ANGEL1: variants seen among roughly 807,000 people sequenced by gnomAD.
The protein encoded by ANGEL1 is RNA 2',3'-cyclic phosphatase ANGEL1.
ANGEL1 carries 62 observed loss-of-function variants against 76.4 expected under a neutral mutation model. The ratio of observed to expected loss-of-function variants is 0.81; its 90% CI spans 0.66 to 1.00. ANGEL1 has a LOEUF of 1.00. Ranked by LOEUF, ANGEL1 falls within the 50% of genes least tolerant of loss-of-function variation. The pLI is 0.00. For synonymous variants in ANGEL1, 340 were observed against 331.7 expected, an observed-to-expected ratio of 1.03 and a Z score of -0.27; for missense variants, 737 against 836.7, an observed-to-expected ratio of 0.88 and a Z score of 1.47.
intron 5 of ANGEL1, among the ~76,000 whole-genome samples, chr14:76,805,196 T>C (rs1280590692): frequency 2.0e-5 from 3 of 152,152 alleles, no homozygotes; most frequent in Non-Finnish European, 4.4e-5. Context: ...CAGGTCCCAT[T>C]ATATCCCCCA....
chr14:76,801,436 CAT>C (rs921020007), intron 7 of ANGEL1, among the ~76,000 whole-genome samples: 7 of 152,150 alleles, frequency 4.6e-5, no homozygotes, highest in East Asian at 1.9e-4. Flanking sequence ...TACTGAGACA[CAT>C]GTCTTCTCGA....
intron 2 of ANGEL1, 122 bp downstream of exon 2, chr14:76,808,937 T>C: frequency 1.1e-6 from 1 of 941,092 alleles, no homozygotes; most frequent in African/African-American, 1.7e-5. Flanking sequence ...ATGCCAAGAT[T>C]CTTAGAAAAA....
In ANGEL1 at chr14:76,806,446, C is replaced by G. The variant is rs1249610988; in HGVS notation, c.1350G>C (p.Glu450Asp). The change falls in exon 5 of 10, where the codon GAG (glutamate) becomes GAC (aspartate). Residue 450 changes from glutamate to aspartate, a missense_variant. By Grantham distance (45) the Glu-to-Asp change is conservative. Around this residue, in one of 2 missense-constraint regions of ANGEL1, gnomAD observed 296 missense variants for 387.2 expected, o/e 0.76. Coordinates refer to ENST00000251089, the MANE Select transcript of ANGEL1 (RefSeq NM_015305.4). ...SPLYNFIRDGELQYHGMPAWK... is the reference protein window; with the variant it reads ...SPLYNFIRDGDLQYHGMPAWK... ...AGGCTGGCATCCCATGGTACTGGAGCTCTCCATCCCTGATGAAGTTGTAGA... is the reference window on the plus strand; with the variant it reads ...AGGCTGGCATCCCATGGTACTGGAGGTCTCCATCCCTGATGAAGTTGTAGA... 3.7e-6 allele frequency: 6 copies of G among 1,613,798 alleles called. No individual in the cohort carries two copies. The highest frequency in any genetic ancestry group is 5.1e-6 in the Non-Finnish European group (6 of 1,179,848).
At position 76,806,808 on chromosome 14, in the gene ANGEL1, C is replaced by T. The variant is rs927027762; in HGVS notation, c.988G>A (p.Asp330Asn). 2.5e-6 allele frequency: 4 copies of T among 1,613,962 alleles called. No homozygotes were observed. Among genetic ancestry groups the T allele is most frequent in the Non-Finnish European group, 3.4e-6 (4 of 1,180,036 alleles). ...GGCTTGTAGCAGACAGCACAGCCAT[C>T]GGTTTTACACCCAGTCCTCCTCTTG... The part of the protein sequence containing the change: ...FYKRRTGCKT[D>N]GCAVCYKPTR... The change falls in exon 5 of 10, where the codon GAT becomes AAT. Residue 330 changes from aspartate (D) to asparagine (N), a missense_variant. This residue lies in a region of ANGEL1 where 441 missense variants were observed against 449.5 expected (regional missense o/e 0.98). Coordinates refer to ENST00000251089, the MANE Select transcript of ANGEL1 (RefSeq NM_015305.4).
At chr14:76,804,627 TA>T (rs1250742739) in intron 5 of ANGEL1, among the ~76,000 whole-genome samples, 1 of 152,222 alleles carries the variant, frequency 6.6e-6, no homozygotes, top group African/African-American at 2.4e-5. Context: ...TCATCAGAAG[TA>T]AAACAGATCT....
At chr14:76,807,737 G>T (rs1448676078) in intron 3 of ANGEL1, among the ~76,000 whole-genome samples, 185 bp downstream of exon 3, 1 of 152,202 alleles carries the variant, frequency 6.6e-6, no homozygotes, top group East Asian at 1.9e-4. Context: ...GCTGGGAAGT[G>T]CACATCTAGG....
At chr14:76,801,438 T>C (rs1488030512) in intron 7 of ANGEL1, among the ~76,000 whole-genome samples, 4 of 152,172 alleles carry the variant, frequency 2.6e-5, no homozygotes, top group Non-Finnish European at 5.9e-5. Context: ...CTGAGACACA[T>C]GTCTTCTCGA....
At chr14:76,792,582 A>T (rs1233174177) in intron 7 of ANGEL1, among the ~76,000 whole-genome samples, 1 of 152,196 alleles carries the variant, frequency 6.6e-6, no homozygotes, top group Non-Finnish European at 1.5e-5. Flanking sequence ...ATGGTTTAAC[A>T]TCTGAAAAAT....
intron 5 of ANGEL1, among the ~76,000 whole-genome samples, chr14:76,805,227 G>C (rs1894884089): frequency 6.6e-6 from 1 of 152,100 alleles, no homozygotes; most frequent in Admixed American, 6.5e-5. Context: ...GAGGCAAATG[G>C]GGTTCAAAAA....
At chr14:76,804,255 T>C in intron 5 of ANGEL1, 2 of 1,357,174 alleles carry the variant, frequency 1.5e-6, no homozygotes, top group African/African-American at 1.5e-5. Flanking sequence ...GGGCTTTAAG[T>C]TGCAATGGTT....
chr14:76,807,305 T>G (rs1555361664), intron 4 of ANGEL1, 128 bp downstream of exon 4: 4 of 862,462 alleles, frequency 4.6e-6, no homozygotes, highest in Non-Finnish European at 5.4e-6. Context: ...CAGGCACACA[T>G]GGAAGGAGCT....
In ANGEL1 at chr14:76,809,452, G is replaced by C. The variant is rs1052903569; in HGVS notation, c.256C>G (p.Leu86Val). Residue 86 changes from leucine (L) to valine (V), a missense_variant, in exon 2 of 10, where the codon CTA (leucine) becomes GTA (valine). By Grantham distance (32) the Leu-to-Val change is conservative. Coordinates refer to ENST00000251089, the MANE Select transcript of ANGEL1 (RefSeq NM_015305.4). ...ASEGPLIDKG[L>V]AQSSLALLMD... ...AGAAGTGCCAGGCTGCTCTGGGCTA[G>C]TCCTTTATCTATAAGGGGCCCCTCA... The C allele has an allele frequency of 1.2e-6, 2 of 1,614,088 alleles. No individual in the cohort carries two copies. The highest frequency in any genetic ancestry group is 1.3e-5 in the African/African-American group (1 of 74,916).
At chr14:76,804,947 T>C (rs1007283008) in intron 5 of ANGEL1, among the ~76,000 whole-genome samples, 2 of 151,776 alleles carry the variant, frequency 1.3e-5, no homozygotes, top group Non-Finnish European at 2.9e-5. Context: ...GAGGCAGAGG[T>C]TGCAGTGAGC....
intron 7 of ANGEL1, among the ~76,000 whole-genome samples, chr14:76,793,428 AGGAGGAGGAGGAGG>A (rs1158800671): frequency 1.2e-4 from 1 of 8,174 alleles, no homozygotes; most frequent in African/African-American, 5.1e-4. Flanking sequence ...AGGAGAGGGG[AGGAGGAGGAGGAGG>A]GGAGGAGAAG....
Position 76,809,500 on chromosome 14 carries a change from T to C in ANGEL1, c.208A>G (p.Ser70Gly), listed in dbSNP as rs771885657. The C allele has an allele frequency of 1.2e-6, 2 of 1,614,226 alleles. No homozygotes were observed. Among genetic ancestry groups the C allele is most frequent in the Non-Finnish European group, 8.5e-7 (1 of 1,180,042 alleles). ...TCACTTGCAGTTGAGAGCACCTGGC[T>C]CAACCCTTCTTCTCGCCACTGCTGC... ...LLQQWREEGLSQVLSTASEGP... is the reference protein window; with the variant it reads ...LLQQWREEGLGQVLSTASEGP... The change falls in exon 2 of 10, where the codon AGC (serine) becomes GGC (glycine). Residue 70 changes from serine (S) to glycine (G), a missense_variant. Physicochemically the swap from Ser to Gly is moderately conservative, Grantham distance 56. Around this residue, in one of 2 missense-constraint regions of ANGEL1, gnomAD observed 441 missense variants for 449.5 expected, o/e 0.98. Coordinates refer to ENST00000251089, the MANE Select transcript of ANGEL1 (RefSeq NM_015305.4).
chr14:76,810,613 C>T (rs1241307925), intron 1 of ANGEL1, among the ~76,000 whole-genome samples: 1 of 152,114 alleles, frequency 6.6e-6, no homozygotes, highest in East Asian at 1.9e-4. Flanking sequence ...GCCCTTAAGC[C>T]TTTTCTCAAA....
chr14:76,812,181 T>C (rs1340016878), intron 1 of ANGEL1: 1 of 946,078 alleles, frequency 1.1e-6, no homozygotes, highest in Non-Finnish European at 1.3e-6. Flanking sequence ...CCGCCGGGAG[T>C]GGGGGCAGGA....
At chr14:76,804,250 T>G (rs1894850802) in intron 5 of ANGEL1, 1 of 1,365,566 alleles carries the variant, frequency 7.3e-7, no homozygotes, top group East Asian at 2.9e-5. Context: ...CTCAGGGGCT[T>G]TAAGTTGCAA....
At chr14:76,789,860 AATTT>A (rs1566694436) in intron 9 of ANGEL1, among the ~76,000 whole-genome samples, 3 of 49,084 alleles carry the variant, frequency 6.1e-5, no homozygotes, top group African/African-American at 6.5e-5. Flanking sequence ...ATGCCTGGCT[AATTT>A]TTTTTTTTTT....
Sources: allele counts gnomAD v4.1 joint callset (sites outside exome capture counted in the v4.1 genomes callset), GRCh38; gene constraint gnomAD v4.1.1; regional missense constraint gnomAD v4.1.1; transcripts MANE v1.5; gene names NCBI Gene and HGNC (gene_info 2026-07-23, HGNC 2026-07-21).